The following DPP10 variants were observed in gnomAD, a reference collection of about 807,000 sequenced individuals.
DPP10 encodes the protein dipeptidyl peptidase like 10.
DPP10 carries 33 observed loss-of-function variants against 120.9 expected under a neutral mutation model. The ratio of observed to expected loss-of-function variants is 0.27; its 90% CI spans 0.21 to 0.37. The LOEUF (loss-of-function observed/expected upper bound fraction) is 0.37, where lower values mean the gene tolerates loss of function less well. DPP10 is among the 10% of genes least tolerant of loss of function. DPP10 has a pLI of 1.00. For synonymous variants in DPP10, 337 were observed against 326.1 expected, an observed-to-expected ratio of 1.03 and a Z score of -0.36; for missense variants, 816 against 942.8, an observed-to-expected ratio of 0.87 and a Z score of 1.76.
intron 1 of DPP10, among the ~76,000 whole-genome samples, chr2:114,506,677 C>T (rs1294280738): frequency 2.0e-5 from 3 of 152,106 alleles, no homozygotes; most frequent in East Asian, 1.9e-4. Context: ...TCCTGGCTCC[C>T]GTGTCCACTC....
At chr2:115,673,544 A>G (rs2149448896) in intron 5 of DPP10, among the ~76,000 whole-genome samples, 1 of 152,334 alleles carries the variant, frequency 6.6e-6, no homozygotes, top group South Asian at 2.1e-4. Context: ...CAAGTCATTG[A>G]AAGAATCGTA....
At chr2:115,106,575 C>A (rs2048953790) in intron 1 of DPP10, among the ~76,000 whole-genome samples, 1 of 152,166 alleles carries the variant, frequency 6.6e-6, no homozygotes, top group Non-Finnish European at 1.5e-5. Context: ...ATCCTCCTAC[C>A]TCAGCTCCCC....
chr2:115,681,557 C>G (rs1411360684), intron 5 of DPP10, among the ~76,000 whole-genome samples: 1 of 151,714 alleles, frequency 6.6e-6, no homozygotes, highest in Non-Finnish European at 1.5e-5. Context: ...TTGGGCTTAG[C>G]CTCAGGTAAT....
intron 5 of DPP10, among the ~76,000 whole-genome samples, chr2:115,548,086 A>T (rs2079623525): frequency 6.6e-6 from 1 of 152,210 alleles, no homozygotes; most frequent in African/African-American, 2.4e-5. Context: ...TTATAAGGCA[A>T]GCTCAAAAGA....
chr2:114,630,675 A>G (rs1694854562), intron 1 of DPP10, among the ~76,000 whole-genome samples: 1 of 152,192 alleles, frequency 6.6e-6, no homozygotes, highest in Non-Finnish European at 1.5e-5. Context: ...GATAGCCAAG[A>G]GCCAGTTTTA....
intron 1 of DPP10, among the ~76,000 whole-genome samples, chr2:114,689,855 G>A (rs1427813624): frequency 6.6e-6 from 1 of 151,524 alleles, no homozygotes; most frequent in Admixed American, 6.6e-5. Context: ...TTTTTCATAT[G>A]TTGGTTGGCC....
At chr2:115,527,821 G>A (rs1053607452) in intron 5 of DPP10, among the ~76,000 whole-genome samples, 5 of 151,992 alleles carry the variant, frequency 3.3e-5, no homozygotes, top group South Asian at 2.1e-4. Context: ...ATATCACTAC[G>A]AATCTATCAG....
intron 1 of DPP10, among the ~76,000 whole-genome samples, chr2:115,119,863 G>A (rs535939208): frequency 6.6e-6 from 1 of 152,170 alleles, no homozygotes; most frequent in South Asian, 2.1e-4. Flanking sequence ...AGACTAACAA[G>A]TGGGCCTAAA....
intron 1 of DPP10, among the ~76,000 whole-genome samples, chr2:114,942,299 A>G (rs1484672971): frequency 1.1e-5 from 1 of 94,832 alleles, no homozygotes; most frequent in Non-Finnish European, 2.0e-5. Flanking sequence ...ATATATATAC[A>G]TATATATATA....
intron 5 of DPP10, among the ~76,000 whole-genome samples, chr2:115,666,340 G>A (rs1046892381): frequency 3.9e-5 from 6 of 152,012 alleles, no homozygotes; most frequent in East Asian, 1.9e-4. Flanking sequence ...TCTTCACAGC[G>A]CTGCAAGAAA....
chr2:114,847,511 A>G (rs1254440977), intron 1 of DPP10, among the ~76,000 whole-genome samples: 2 of 152,130 alleles, frequency 1.3e-5, no homozygotes, highest in African/African-American at 4.8e-5. Context: ...CGTACTTCCA[A>G]CTCTTGTAAC....
At chr2:115,734,431 G>A (rs10180440) in intron 8 of DPP10, among the ~76,000 whole-genome samples, 8,143 of 151,916 alleles carry the variant, frequency 0.054, 729 homozygotes, top group African/African-American at 0.18. Context: ...CGAGGTGGGC[G>A]GATCAACTGA....
chr2:114,762,615 T>C (rs996145151), intron 1 of DPP10, among the ~76,000 whole-genome samples: 2 of 152,170 alleles, frequency 1.3e-5, no homozygotes, highest in South Asian at 2.1e-4. Flanking sequence ...GCTCTTAAAA[T>C]AGCTATGAGT....
At chr2:115,625,425 G>A (rs1187677294) in intron 5 of DPP10, among the ~76,000 whole-genome samples, 1 of 152,146 alleles carries the variant, frequency 6.6e-6, no homozygotes, top group Non-Finnish European at 1.5e-5. Context: ...TGCAACAGTG[G>A]AGATTATTGA....
intron 3 of DPP10, chr2:115,468,158 G>A (rs1227336220): frequency 4.0e-6 from 2 of 495,274 alleles, no homozygotes; most frequent in Non-Finnish European, 8.1e-6. Context: ...CTTCTAAATG[G>A]ATCAGTACAT....
At chr2:115,831,910 C>T (rs1234023959) in intron 21 of DPP10, among the ~76,000 whole-genome samples, 1 of 152,094 alleles carries the variant, frequency 6.6e-6, no homozygotes, top group Non-Finnish European at 1.5e-5. Context: ...CAATAAAATG[C>T]ACAATGAAAA....
intron 7 of DPP10, among the ~76,000 whole-genome samples, chr2:115,706,912 A>G (rs2092132546): frequency 1.3e-5 from 2 of 151,998 alleles, no homozygotes; most frequent in African/African-American, 4.8e-5. Flanking sequence ...AACTTCAGAC[A>G]TCTTTCAAGT....
At chr2:114,521,217 A>T (rs190892411) in intron 1 of DPP10, among the ~76,000 whole-genome samples, 8 of 151,538 alleles carry the variant, frequency 5.3e-5, no homozygotes, top group African/African-American at 1.9e-4. Flanking sequence ...TTAATAAAAG[A>T]TATCAAATCT....
intron 10 of DPP10, among the ~76,000 whole-genome samples, chr2:115,748,040 C>CAT (rs927524932): frequency 2.0e-5 from 3 of 151,952 alleles, no homozygotes; most frequent in African/African-American, 7.2e-5. Flanking sequence ...TAAATATAAA[C>CAT]ATATATAAAT....
Sources: allele counts gnomAD v4.1 joint callset (sites outside exome capture counted in the v4.1 genomes callset), GRCh38; gene constraint gnomAD v4.1.1; transcripts MANE v1.5; gene names NCBI Gene and HGNC (gene_info 2026-07-23, HGNC 2026-07-21).